The following SERGEF variants were observed in gnomAD, a reference collection of about 807,000 sequenced individuals.
SERGEF encodes secretion-regulating guanine nucleotide exchange factor.
In SERGEF, 51 loss-of-function variants were observed where a neutral mutation model predicts 50.0. The observed-to-expected ratio is 1.02, with a 90% CI of 0.81 to 1.29. The LOEUF is 1.29. Among genes scored for constraint, SERGEF ranks in the 50% most tolerant of loss-of-function variants. SERGEF has a pLI of 0.00. For synonymous variants in SERGEF, 205 were observed against 212.4 expected (o/e 0.97, Z 0.30); for missense variants, 521 against 557.0 (o/e 0.94, Z 0.65).
chr11:17,903,628 A>T (rs1851787006), intron 9 of SERGEF, among the ~76,000 whole-genome samples: 1 of 152,262 alleles, frequency 6.6e-6, no homozygotes. Context: ...ACCAGGACAG[A>T]CATTTCCAGA....
intron 5 of SERGEF, 107 bp downstream of exon 5, chr11:18,000,390 A>T: frequency 1.4e-6 from 1 of 722,420 alleles, no homozygotes; most frequent in Non-Finnish European, 2.3e-6. Context: ...TCAAGGCTAC[A>T]GCAAGCTATG....
At chr11:17,914,393 A>G (rs936785643) in intron 9 of SERGEF, among the ~76,000 whole-genome samples, 6 of 151,966 alleles carry the variant, frequency 3.9e-5, no homozygotes, top group African/African-American at 7.2e-5. Context: ...TTGGCAAGTA[A>G]CATTTTTAAT....
intron 1 of SERGEF, 79 bp downstream of exon 1, chr11:18,012,872 C>A: frequency 1.3e-6 from 2 of 1,520,310 alleles, no homozygotes; most frequent in South Asian, 2.4e-5. Context: ...AGCCCCTGAA[C>A]TGCCCACGCC....
chr11:17,837,605 C>T (rs776044325), intron 10 of SERGEF, among the ~76,000 whole-genome samples: 8 of 150,456 alleles, frequency 5.3e-5, no homozygotes, highest in East Asian at 2.0e-4. Flanking sequence ...AAGCAGAAGC[C>T]GGCGCCATGC....
At chr11:17,880,714 AC>A (rs1252826293) in intron 9 of SERGEF, among the ~76,000 whole-genome samples, 1 of 152,216 alleles carries the variant, frequency 6.6e-6, no homozygotes, top group Non-Finnish European at 1.5e-5. Context: ...AGAGAAAAAA[AC>A]CCACCTGGGT....
intron 8 of SERGEF, among the ~76,000 whole-genome samples, chr11:17,986,252 G>A (rs867458098): frequency 3.3e-5 from 5 of 152,116 alleles, no homozygotes; most frequent in South Asian, 2.1e-4. Flanking sequence ...GCCAGAGCAC[G>A]GGCCTCCACT....
At chr11:17,920,176 A>G (rs1411818249) in intron 9 of SERGEF, among the ~76,000 whole-genome samples, 4 of 152,004 alleles carry the variant, frequency 2.6e-5, no homozygotes, top group African/African-American at 7.3e-5. Flanking sequence ...GAACCCATGA[A>G]GCAGAGATTG....
chr11:17,901,768 A>G (rs1364405681), intron 9 of SERGEF, among the ~76,000 whole-genome samples: 1 of 152,212 alleles, frequency 6.6e-6, no homozygotes, highest in African/African-American at 2.4e-5. Context: ...TCTCATGACA[A>G]TGAGCATTTT....
At chr11:17,853,121 C>T (rs1010152894) in intron 10 of SERGEF, among the ~76,000 whole-genome samples, 9 of 152,198 alleles carry the variant, frequency 5.9e-5, no homozygotes, top group Non-Finnish European at 1.2e-4. Flanking sequence ...CATTTAATCT[C>T]TGCCCTGATT....
At chr11:18,006,783 G>C in intron 2 of SERGEF, 37 bp from the exon 3 acceptor site, 1 of 1,601,072 alleles carries the variant, frequency 6.2e-7, no homozygotes, top group Non-Finnish European at 8.5e-7. Flanking sequence ...AGCGTGCACA[G>C]GAAAAAACAC....
intron 10 of SERGEF, among the ~76,000 whole-genome samples, chr11:17,840,573 G>T (rs1850482781): frequency 6.6e-6 from 1 of 152,186 alleles, no homozygotes; most frequent in Admixed American, 6.5e-5. Context: ...GTGGTAAGGT[G>T]GGGTGGCTCA....
intron 8 of SERGEF, among the ~76,000 whole-genome samples, chr11:17,980,597 T>G (rs1336837944): frequency 6.6e-6 from 1 of 152,252 alleles, no homozygotes; most frequent in Non-Finnish European, 1.5e-5. Flanking sequence ...TTTTTTTCTT[T>G]CAACAAATTA....
chr11:17,992,845 C>G, intron 7 of SERGEF, 86 bp downstream of exon 7: 1 of 1,148,398 alleles, frequency 8.7e-7, no homozygotes. Context: ...CTATGACATT[C>G]CCTCTGTATT....
chr11:17,950,489 C>T (rs1852755086), intron 9 of SERGEF, among the ~76,000 whole-genome samples: 1 of 152,198 alleles, frequency 6.6e-6, no homozygotes, highest in Admixed American at 6.5e-5. Context: ...ATAGTGCAAT[C>T]AGATTTCTAT....
chr11:17,824,296 G>A (rs1365618317), intron 10 of SERGEF, among the ~76,000 whole-genome samples: 32 of 57,314 alleles, frequency 5.6e-4, no homozygotes, highest in African/African-American at 1.4e-3. Flanking sequence ...GCGAGACACC[G>A]TCTCAAAAAA....
intron 9 of SERGEF, among the ~76,000 whole-genome samples, chr11:17,914,625 T>A (rs1471342152): frequency 6.6e-6 from 1 of 152,056 alleles, no homozygotes; most frequent in Non-Finnish European, 1.5e-5. Context: ...GGAGAAAGAG[T>A]GAGAGAAACT....
At chr11:17,821,630 A>G (rs192068776) in intron 10 of SERGEF, among the ~76,000 whole-genome samples, 161 of 152,172 alleles carry the variant, frequency 1.1e-3, no homozygotes, top group African/African-American at 3.8e-3. Flanking sequence ...CCTTACAAAC[A>G]CCTATAAAAT....
intron 6 of SERGEF, among the ~76,000 whole-genome samples, chr11:17,993,366 T>G (rs921186121): frequency 1.3e-5 from 2 of 152,216 alleles, no homozygotes; most frequent in South Asian, 4.1e-4. Context: ...GGTGTGTGTA[T>G]GTAAAAATGT....
At chr11:17,793,524 G>A (rs1385426124) in intron 10 of SERGEF, among the ~76,000 whole-genome samples, 2 of 152,208 alleles carry the variant, frequency 1.3e-5, no homozygotes, top group Non-Finnish European at 2.9e-5. Flanking sequence ...TACTATGCAG[G>A]CTGTTCTCAC....
Sources: allele counts gnomAD v4.1 joint callset (sites outside exome capture counted in the v4.1 genomes callset), GRCh38; gene constraint gnomAD v4.1.1; transcripts MANE v1.5; gene names NCBI Gene and HGNC (gene_info 2026-07-23, HGNC 2026-07-21).